The following PCDH15 variants were observed in gnomAD, a reference collection of about 807,000 sequenced individuals.
PCDH15 encodes protocadherin-15.
Under a neutral mutation model 178.5 loss-of-function variants are expected in PCDH15, and 129 were observed. The observed-to-expected ratio is 0.72, with a 90% CI of 0.63 to 0.84. The LOEUF is 0.84. Ranked by LOEUF, PCDH15 falls within the 40% of genes least tolerant of loss-of-function variation. The pLI is 0.00. For missense variants in PCDH15, 2,230 were observed against 2,099.9 expected (o/e 1.06, Z -1.21); for synonymous variants, 800 against 732.0 (o/e 1.09, Z -1.50).
chr10:53,900,130 C>G (rs1040022650), intron 26 of PCDH15, among the ~76,000 whole-genome samples: 5 of 152,098 alleles, frequency 3.3e-5, no homozygotes, highest in African/African-American at 9.7e-5. Flanking sequence ...ATCCACAAGA[C>G]AATTTGCGCT....
intron 21 of PCDH15, among the ~76,000 whole-genome samples, chr10:53,968,251 C>G (rs2134393109): frequency 6.6e-6 from 1 of 152,312 alleles, no homozygotes; most frequent in Admixed American, 6.5e-5. Context: ...GCCTCACTCA[C>G]TGCTAGCATA....
In PCDH15 at chr10:54,655,252, AAGAAAGAGAGAGAG is replaced by A. The variant is rs1241922384; in HGVS notation, c.91+8906_91+8919del. ...AGGGAGGAAGGGAAAGAAAGAAAGAAAGAAAGAGAGAGAGAGAGAGAGAGAGAGAGAGAGAGAGA... is the reference window on the plus strand; with the variant it reads ...AGGGAGGAAGGGAAAGAAAGAAAGAAAGAGAGAGAGAGAGAGAGAGAGAGA... On this transcript the variant is annotated intron_variant, in intron 2 of 37. Transcript: ENST00000644397. Among the ~76,000 whole-genome samples, 357 of 46,332 alleles carry A rather than the reference AAGAAAGAGAGAGAG, an allele frequency of 7.7e-3. 6 individuals carry two copies. In the South Asian group the frequency reaches 0.086, roughly 11 times the overall value. The allele number at this position is 46,332 out of a possible 152,430, so 30.4% of individuals were successfully genotyped here.
At chr10:54,822,701 G>A (rs1342667301) in intron 3 of PCDH15, among the ~76,000 whole-genome samples, 1 of 151,480 alleles carries the variant, frequency 6.6e-6, no homozygotes, top group South Asian at 2.1e-4. Context: ...TTTTTTTGAG[G>A]AACCTCCATA....
intron 3 of PCDH15, among the ~76,000 whole-genome samples, chr10:54,454,833 T>C (rs976705595): frequency 6.6e-6 from 1 of 152,190 alleles, no homozygotes; most frequent in African/African-American, 2.4e-5. Context: ...TCACATGTTT[T>C]AGCAGGTTTT....
At chr10:54,298,864 T>C (rs1262555340) in intron 8 of PCDH15, among the ~76,000 whole-genome samples, 1 of 152,198 alleles carries the variant, frequency 6.6e-6, no homozygotes, top group Non-Finnish European at 1.5e-5. Context: ...ACCAGGTATT[T>C]CTCCCACCTC....
At chr10:55,229,995 T>C (rs1328431908) in intron 1 of PCDH15, among the ~76,000 whole-genome samples, 2 of 152,072 alleles carry the variant, frequency 1.3e-5, no homozygotes, top group Non-Finnish European at 2.9e-5. Context: ...AATGGGGCTA[T>C]TTTATATAGT....
intron 8 of PCDH15, among the ~76,000 whole-genome samples, chr10:54,240,571 G>T (rs2055138488): frequency 6.7e-6 from 1 of 150,200 alleles, no homozygotes; most frequent in South Asian, 2.1e-4. Flanking sequence ...TGGTGTGTTG[G>T]CTCTCTTAGA....
At chr10:54,755,683 C>T (rs1946982678) in intron 1 of PCDH15, among the ~76,000 whole-genome samples, 2 of 151,704 alleles carry the variant, frequency 1.3e-5, no homozygotes, top group East Asian at 3.9e-4. Context: ...TAATCATGCT[C>T]ATACATAAAG....
intron 13 of PCDH15, among the ~76,000 whole-genome samples, chr10:54,162,715 T>C (rs546559415): frequency 2.0e-5 from 3 of 152,316 alleles, no homozygotes; most frequent in Admixed American, 6.5e-5. Context: ...CCTTATGACA[T>C]GCCAGAATAT....
chr10:54,979,642 C>T (rs2131902603), intron 2 of PCDH15, among the ~76,000 whole-genome samples: 1 of 140,240 alleles, frequency 7.1e-6, no homozygotes, highest in South Asian at 2.2e-4. Context: ...GTACTCCAGC[C>T]TGGGTGACAG....
At chr10:54,665,592 T>C (rs530216050) in intron 1 of PCDH15, among the ~76,000 whole-genome samples, 4 of 152,162 alleles carry the variant, frequency 2.6e-5, no homozygotes, top group African/African-American at 7.2e-5. Context: ...ATATATATAT[T>C]GCATTGTAAA....
At chr10:54,307,106 A>G (rs113475023) in intron 8 of PCDH15, among the ~76,000 whole-genome samples, 1,411 of 16,090 alleles carry the variant, frequency 0.088, 221 homozygotes, top group Non-Finnish European at 0.099. Context: ...GTGTGTGTGT[A>G]TATATATATA....
chr10:53,840,064 G>C (rs1176584907), intron 29 of PCDH15, among the ~76,000 whole-genome samples: 1 of 152,258 alleles, frequency 6.6e-6, no homozygotes, highest in South Asian at 2.1e-4. Flanking sequence ...TCAAGGAGCT[G>C]TTCCTTGTTC....
chr10:54,351,026 C>A (rs1944085460), intron 5 of PCDH15, among the ~76,000 whole-genome samples: 1 of 151,978 alleles, frequency 6.6e-6, no homozygotes. Context: ...ATCCCTTGAA[C>A]CCAGGAGACT....
chr10:54,874,346 C>G (rs1186319700), intron 3 of PCDH15, among the ~76,000 whole-genome samples: 2 of 147,484 alleles, frequency 1.4e-5, no homozygotes, highest in African/African-American at 2.5e-5. Context: ...TGTATATGTG[C>G]CACATTTTCT....
At chr10:54,852,609 T>A (rs954411783) in intron 3 of PCDH15, among the ~76,000 whole-genome samples, 1 of 152,000 alleles carries the variant, frequency 6.6e-6, no homozygotes, top group East Asian at 1.9e-4. Context: ...TCCTAGCACT[T>A]TGGGAGGCCG....
At chr10:54,539,193 T>A (rs1191310671) in intron 2 of PCDH15, among the ~76,000 whole-genome samples, 1 of 152,132 alleles carries the variant, frequency 6.6e-6, no homozygotes, top group African/African-American at 2.4e-5. Flanking sequence ...AGTGATGGGT[T>A]GGATAAAGTA....
At chr10:55,422,814 G>C (rs1395857981) in intron 2 of PCDH15, among the ~76,000 whole-genome samples, 3 of 151,610 alleles carry the variant, frequency 2.0e-5, no homozygotes, top group Admixed American at 1.3e-4. Flanking sequence ...ACCTATAAAA[G>C]GTAGACATTA....
intron 3 of PCDH15, among the ~76,000 whole-genome samples, chr10:54,883,841 C>G (rs2131808711): frequency 6.6e-6 from 1 of 152,022 alleles, no homozygotes; most frequent in South Asian, 2.1e-4. Context: ...TTCACAAATT[C>G]TAAAAGGAAA....
Sources: gnomAD v4.1 joint callset for allele counts (sites outside exome capture counted in the v4.1 genomes callset) on GRCh38, gnomAD v4.1.1 for gene constraint, MANE v1.5 for transcripts, NCBI Gene and HGNC (gene_info 2026-07-23, HGNC 2026-07-21) for gene names.